Variants in PASD1 observed in about 807,000 individuals in gnomAD.
PASD1 encodes the protein PAS domain containing repressor 1.
Under a neutral mutation model 58.8 loss-of-function variants are expected in PASD1, and 13 were observed. The observed-to-expected ratio is 0.22, with a 90% CI of 0.14 to 0.35. The LOEUF (loss-of-function observed/expected upper bound fraction) is 0.35, where lower values mean the gene tolerates loss of function less well. PASD1 is among the 10% of genes least tolerant of loss of function. The pLI is 1.00. For synonymous variants in PASD1, 236 were observed against 216.7 expected (o/e 1.09, Z -0.78); for missense variants, 734 against 568.3 (o/e 1.29, Z -2.96).
intron 1 of PASD1, among the ~76,000 whole-genome samples, chrX:151,576,119 C>T (rs762534873): frequency 3.6e-4 from 39 of 109,544 alleles, no homozygotes; most frequent in Non-Finnish European, 6.1e-4. Flanking sequence ...CTGCCCCCCT[C>T]GGCTTCTCAA....
chrX:151,587,420 T>C (rs765258530), intron 1 of PASD1, among the ~76,000 whole-genome samples: 6 of 111,276 alleles, frequency 5.4e-5, no homozygotes, highest in Non-Finnish European at 1.1e-4. Flanking sequence ...GCTAGGAATA[T>C]AATAAGTGAC....
Position 151,671,124 on chromosome X carries a change from G to T in PASD1, c.1158G>T (p.Glu386Asp). Residue 386 changes from glutamate to aspartate, a missense_variant, in exon 12 of 16, where the codon GAG becomes GAT. Physicochemically the swap from Glu to Asp is conservative, Grantham distance 45. Coordinates refer to ENST00000370357, the MANE Select transcript of PASD1 (RefSeq NM_173493.3). Reference sequence around the variant, plus strand: ...AGAAGTTGAAGGAGCAGCTAGAAGAGAGGACTTGGTTGCTGCATGATGCCA... The same window carrying T: ...AGAAGTTGAAGGAGCAGCTAGAAGATAGGACTTGGTTGCTGCATGATGCCA... ...LMKKLKEQLE[E>D]RTWLLHDAIQ... The T allele has an allele frequency of 8.3e-7, 1 of 1,212,007 alleles. No homozygotes were observed. Among genetic ancestry groups the T allele is most frequent in the Middle Eastern group, 2.3e-4 (1 of 4,356 alleles).
chrX:151,665,845 G>C (rs2014369456), intron 11 of PASD1, among the ~76,000 whole-genome samples: 1 of 108,013 alleles, frequency 9.3e-6, no homozygotes, highest in African/African-American at 3.4e-5. Flanking sequence ...TGAGTTTAGA[G>C]GGGTGTGTGT....
chrX:151,657,024 T>C lies in PASD1; in HGVS notation c.718-2689T>C, dbSNP rs930971658. ...ATAAATAGCTCTTATTATTTTGAGA[T>C]ACGTCCCATCAATACCTAATTTATT... On this transcript the variant is annotated intron_variant, in intron 9 of 15. Transcript: ENST00000370357. 3.8e-4 allele frequency among the ~76,000 whole-genome samples: 43 copies of C among 111,844 alleles called. No individual in the cohort carries two copies. The Admixed American group carries it at 4.1e-3, about 11-fold the overall frequency.
chrX:151,657,965 T>C (rs2014268014), intron 9 of PASD1, among the ~76,000 whole-genome samples: 1 of 110,912 alleles, frequency 9.0e-6, no homozygotes, highest in Non-Finnish European at 1.9e-5. Flanking sequence ...AATGCAAGGA[T>C]CTCCTAAAAA....
chrX:151,666,497 TA>T (rs1339053434), intron 11 of PASD1, among the ~76,000 whole-genome samples: 2 of 109,162 alleles, frequency 1.8e-5, no homozygotes, highest in African/African-American at 3.4e-5. Flanking sequence ...ACTCATCATT[TA>T]ACATTAGGTA....
At chrX:151,648,730 A>G (rs140997291) in intron 9 of PASD1, 28 bp downstream of exon 9, 4 of 1,187,414 alleles carry the variant, frequency 3.4e-6, no homozygotes, top group Non-Finnish European at 4.6e-6. Context: ...CATAGACTAC[A>G]ATCTTAGACC....
intron 10 of PASD1, among the ~76,000 whole-genome samples, chrX:151,662,766 G>A (rs1009230002): frequency 8.9e-6 from 1 of 111,803 alleles, no homozygotes; most frequent in Admixed American, 9.5e-5. Context: ...ATTATCTATG[G>A]TATATTTATT....
intron 8 of PASD1, among the ~76,000 whole-genome samples, chrX:151,640,622 C>T (rs2013984678): frequency 9.0e-6 from 1 of 111,442 alleles, no homozygotes; most frequent in Non-Finnish European, 1.9e-5. Context: ...TTAGTATAGT[C>T]TTGTGTCTGA....
intron 1 of PASD1, among the ~76,000 whole-genome samples, chrX:151,568,096 G>A (rs918863544): frequency 3.6e-5 from 4 of 112,010 alleles, no homozygotes; most frequent in South Asian, 3.7e-4. Context: ...CTTTACATTT[G>A]CCCCTTGTCC....
intron 1 of PASD1, among the ~76,000 whole-genome samples, chrX:151,568,271 G>A (rs2012876700): frequency 8.9e-6 from 1 of 111,792 alleles, no homozygotes; most frequent in Admixed American, 9.5e-5. Context: ...TGTCCCAGTA[G>A]GGTAGGATGT....
At chrX:151,613,094 T>C (rs2013588260) in intron 4 of PASD1, among the ~76,000 whole-genome samples, 1 of 112,266 alleles carries the variant, frequency 8.9e-6, no homozygotes, top group Admixed American at 9.5e-5. Context: ...CCACTTCTTG[T>C]TTTTGTCAGG....
At chrX:151,635,927 A>G (rs1478518705) in intron 8 of PASD1, among the ~76,000 whole-genome samples, 1 of 111,869 alleles carries the variant, frequency 8.9e-6, no homozygotes, top group Non-Finnish European at 1.9e-5. Flanking sequence ...CATATTTTAA[A>G]TAGCTTGATT....
chrX:151,584,251 C>T (rs1299164301), intron 1 of PASD1, among the ~76,000 whole-genome samples: 2 of 111,607 alleles, frequency 1.8e-5, no homozygotes, highest in Non-Finnish European at 3.8e-5. Flanking sequence ...TTCTTCATAT[C>T]AGGGGTTTAT....
At chrX:151,627,586 T>C (rs1454106087) in intron 8 of PASD1, among the ~76,000 whole-genome samples, 3 of 112,171 alleles carry the variant, frequency 2.7e-5, no homozygotes, top group South Asian at 3.7e-4. Context: ...TGCCACATTT[T>C]CTTAATCCAG....
chrX:151,651,870 A>G (rs2014132363), intron 9 of PASD1, among the ~76,000 whole-genome samples: 1 of 112,259 alleles, frequency 8.9e-6, no homozygotes, highest in Non-Finnish European at 1.9e-5. Context: ...TGTCAGAGCC[A>G]GGATTCAAAC....
intron 8 of PASD1, among the ~76,000 whole-genome samples, chrX:151,646,688 A>G (rs1045236913): frequency 9.8e-5 from 11 of 112,615 alleles, no homozygotes; most frequent in Non-Finnish European, 1.5e-4. Flanking sequence ...CAACAAATAG[A>G]AGCTCCAGCT....
chrX:151,625,469 G>A lies in PASD1; in HGVS notation c.568G>A (p.Val190Ile). Reference protein sequence around the residue: ...LLQQLYTSKAVSDEAVLTQDS... With the variant: ...LLQQLYTSKAISDEAVLTQDS... ...GCAGCAACTTTACACTTCAAAGGCAGTCAGTGATGAAGCTGTACTTACACA... is the reference window on the plus strand; with the variant it reads ...GCAGCAACTTTACACTTCAAAGGCAATCAGTGATGAAGCTGTACTTACACA... Residue 190 changes from valine (V) to isoleucine (I), a missense_variant, in exon 8 of 16, where the codon GTC becomes ATC. Physicochemically the swap from Val to Ile is conservative, Grantham distance 29. Transcript: ENST00000370357. 8.3e-7 allele frequency: 1 copy of A among 1,209,459 alleles called. No individual in the cohort carries two copies.
chrX:151,593,218 ATTTAAG>A (rs1410023175), intron 1 of PASD1, among the ~76,000 whole-genome samples: 4 of 110,236 alleles, frequency 3.6e-5, no homozygotes, highest in Non-Finnish European at 7.6e-5. Flanking sequence ...TTTTGTAGTT[ATTTAAG>A]TTTATTTTTT....
Sources: gnomAD v4.1 joint callset for allele counts (sites outside exome capture counted in the v4.1 genomes callset) on GRCh38, gnomAD v4.1.1 for gene constraint, MANE v1.5 for transcripts, NCBI Gene and HGNC (gene_info 2026-07-23, HGNC 2026-07-21) for gene names.